NRG4: variants seen among roughly 807,000 people sequenced by gnomAD.
NRG4 encodes the protein pro-neuregulin-4, membrane-bound isoform.
NRG4 carries 10 observed loss-of-function variants against 15.0 expected under a neutral mutation model. The observed-to-expected ratio is 0.67, with a 90% CI of 0.41 to 1.13. The LOEUF (loss-of-function observed/expected upper bound fraction) is 1.13, where lower values mean the gene tolerates loss of function less well. Among genes scored for constraint, NRG4 ranks in the 50% most tolerant of loss-of-function variants. The pLI, the probability that NRG4 is intolerant of heterozygous loss-of-function variation, is 0.00. For synonymous variants in NRG4, 41 were observed against 50.1 expected (o/e 0.82, Z 0.77); for missense variants, 139 against 140.2 (o/e 0.99, Z 0.04).
Position 75,943,403 on chromosome 15 carries a change from A to G in NRG4, c.*235T>C. 1 of 483,558 alleles carries G rather than the reference A, an allele frequency of 2.1e-6. No individual in the cohort carries two copies. Among genetic ancestry groups the G allele is most frequent in the Non-Finnish European group, 3.6e-6 (1 of 275,150 alleles). 30.0% of individuals were successfully genotyped at this position (483,558 alleles called of 1,614,324 possible). ...TTCTGGGGAGAGTCATGTTGAACCA[A>G]TGTGACTTCGAATTATACTGGTATC... On this transcript the variant is annotated 3_prime_UTR_variant, in exon 6 of 6. Transcript: ENST00000394907.
chr15:76,044,746 C>T (rs1057484570), intron 4 of NRG4, among the ~76,000 whole-genome samples: 1 of 147,480 alleles, frequency 6.8e-6, no homozygotes, highest in Non-Finnish European at 1.5e-5. Flanking sequence ...GAGGCTGAGG[C>T]AGGAGAATGG....
At chr15:76,024,697 G>A (rs2035256555) in intron 5 of NRG4, among the ~76,000 whole-genome samples, 1 of 152,118 alleles carries the variant, frequency 6.6e-6, no homozygotes, top group Non-Finnish European at 1.5e-5. Context: ...AAAAAGCTTC[G>A]CTCTCAGCAA....
intron 5 of NRG4, among the ~76,000 whole-genome samples, chr15:75,949,901 G>A (rs535454419): frequency 6.6e-6 from 1 of 152,308 alleles, no homozygotes; most frequent in East Asian, 1.9e-4. Flanking sequence ...TGGATGCCCA[G>A]TATGAAGCTT....
rs1220344635 is a variant in NRG4, at chr15:75,943,116, A to G, written c.*522T>C. On this transcript the variant is annotated 3_prime_UTR_variant, in exon 6 of 6. Coordinates refer to ENST00000394907, the MANE Select transcript of NRG4 (RefSeq NM_138573.4). ...GTCACTTCTAGTAGAAAGCATTTTC[A>G]TCAATATTGAAAGAATGATACAGAG... 6.6e-6 allele frequency: 1 copy of G among 152,284 alleles called. No homozygotes were observed. Among genetic ancestry groups the G allele is most frequent in the Non-Finnish European group, 1.5e-5 (1 of 68,102 alleles). 9.4% of individuals were successfully genotyped at this position (152,284 alleles called of 1,614,324 possible).
intron 5 of NRG4, among the ~76,000 whole-genome samples, chr15:76,022,425 TACAC>T (rs67005026): frequency 0.65 from 96,822 of 149,414 alleles, 32,671 homozygotes; most frequent in South Asian, 0.82. Context: ...TCAATATTTT[TACAC>T]ACACACACAC....
chr15:76,014,455 T>C (rs1374559739), upstream of NRG4, among the ~76,000 whole-genome samples: 2 of 152,240 alleles, frequency 1.3e-5, no homozygotes, highest in Middle Eastern at 3.2e-3. Context: ...TAGGTTTCTT[T>C]CTAGGGTTTT....
At chr15:76,001,383 T>C (rs966811809) in intron 3 of NRG4, among the ~76,000 whole-genome samples, 6 of 152,330 alleles carry the variant, frequency 3.9e-5, no homozygotes, top group Admixed American at 1.3e-4. Context: ...TCCAAAATAT[T>C]ATCATTTCAA....
chr15:75,971,485 T>G (rs2033088895), intron 3 of NRG4, among the ~76,000 whole-genome samples: 1 of 152,236 alleles, frequency 6.6e-6, no homozygotes, highest in African/African-American at 2.4e-5. Flanking sequence ...ACTCTTGACT[T>G]GTGCCTAACT....
chr15:76,037,774 A>G (rs1261276469), intron 4 of NRG4, among the ~76,000 whole-genome samples: 2 of 152,148 alleles, frequency 1.3e-5, no homozygotes, highest in Non-Finnish European at 2.9e-5. Flanking sequence ...TGGCTCCAAA[A>G]AAGTCACAAA....
At chr15:76,000,210 C>T (rs895683977) in intron 3 of NRG4, among the ~76,000 whole-genome samples, 15 of 151,924 alleles carry the variant, frequency 9.9e-5, no homozygotes, top group African/African-American at 3.4e-4. Flanking sequence ...AACTATGACT[C>T]GAACTTGAAG....
intron 5 of NRG4, among the ~76,000 whole-genome samples, chr15:76,034,400 T>G (rs2141945452): frequency 1.3e-5 from 2 of 152,324 alleles, no homozygotes; most frequent in African/African-American, 4.8e-5. Flanking sequence ...GTCAATCTGC[T>G]AGGTCCTGCT....
chr15:76,022,058 T>C (rs889971737), intron 5 of NRG4, among the ~76,000 whole-genome samples: 19 of 152,122 alleles, frequency 1.2e-4, no homozygotes, highest in Non-Finnish European at 2.2e-4. Flanking sequence ...GCTGATTTGA[T>C]AGGAGGCGGA....
chr15:76,028,822 C>T (rs1359670320), intron 5 of NRG4, among the ~76,000 whole-genome samples: 2 of 150,852 alleles, frequency 1.3e-5, no homozygotes, highest in African/African-American at 4.9e-5. Context: ...ATTGCCTGAA[C>T]CCGGGAGGGG....
rs370805973 is a variant in NRG4, at chr15:76,011,170, T to C, written c.10+51A>G. 1.9e-5 allele frequency: 25 copies of C among 1,308,174 alleles called. No individual in the cohort carries two copies. In the African/African-American group the frequency reaches 3.5e-4, roughly 18 times the overall value. 81.0% of individuals were successfully genotyped at this position (1,308,174 alleles called of 1,614,324 possible). A position where few individuals can be genotyped will look rare whatever the true frequency, so the allele number is the denominator to read the frequency against. On this transcript the variant is annotated intron_variant, in intron 2 of 5. Coordinates refer to ENST00000394907, the MANE Select transcript of NRG4 (RefSeq NM_138573.4). ...TAATATACATTTTTGATTGTTGTTCTATTGCTATGGACACATATTGACAAA... is the reference window on the plus strand; with the variant it reads ...TAATATACATTTTTGATTGTTGTTCCATTGCTATGGACACATATTGACAAA...
chr15:76,022,838 C>T (rs1423117412), intron 5 of NRG4, among the ~76,000 whole-genome samples: 1 of 151,896 alleles, frequency 6.6e-6, no homozygotes, highest in Non-Finnish European at 1.5e-5. Context: ...GTGTGGGAAA[C>T]AAATTGGAAT....
At chr15:76,039,347 G>A (rs975087075) in intron 4 of NRG4, among the ~76,000 whole-genome samples, 6 of 152,056 alleles carry the variant, frequency 3.9e-5, no homozygotes, top group Non-Finnish European at 8.8e-5. Flanking sequence ...CTGTTTTAAG[G>A]AAACTCAAAG....
chr15:76,005,426 T>C (rs1181643282), intron 3 of NRG4, among the ~76,000 whole-genome samples: 4 of 56,538 alleles, frequency 7.1e-5, no homozygotes, highest in African/African-American at 1.4e-4. Context: ...GACTCACACC[T>C]GTAATCTCAG....
chr15:76,003,027 G>A (rs1176642568), intron 3 of NRG4, among the ~76,000 whole-genome samples: 1 of 152,026 alleles, frequency 6.6e-6, no homozygotes, highest in African/African-American at 2.4e-5. Flanking sequence ...CTTTTCAAAT[G>A]TGCATGAAAC....
intron 5 of NRG4, among the ~76,000 whole-genome samples, chr15:75,945,146 G>T (rs2031411384): frequency 6.6e-6 from 1 of 151,944 alleles, no homozygotes; most frequent in Admixed American, 6.6e-5. Flanking sequence ...CTAATGGCAG[G>T]ATTCTATTCC....
Sources: gnomAD v4.1 joint callset for allele counts (sites outside exome capture counted in the v4.1 genomes callset) on GRCh38, gnomAD v4.1.1 for gene constraint, MANE v1.5 for transcripts, NCBI Gene and HGNC (gene_info 2026-07-23, HGNC 2026-07-21) for gene names.